PTGER3: variants seen among roughly 807,000 people sequenced by gnomAD.
PTGER3 encodes the protein prostaglandin E receptor 3.
PTGER3 carries 22 observed loss-of-function variants against 34.7 expected under a neutral mutation model. The ratio of observed to expected loss-of-function variants is 0.63; its 90% CI spans 0.45 to 0.91. PTGER3 has a LOEUF of 0.91. Ranked by LOEUF, PTGER3 falls within the 40% of genes least tolerant of loss-of-function variation. The pLI is 0.00. For missense variants in PTGER3, 468 were observed against 519.4 expected (o/e 0.90, Z 0.96); for synonymous variants, 241 against 230.1 (o/e 1.05, Z -0.43).
chr1:70,947,568 C>A (rs1650334401), downstream of PTGER3: 1 of 152,080 alleles, frequency 6.6e-6, no homozygotes, highest in Admixed American at 6.6e-5. Flanking sequence ...AGGTGTGCAA[C>A]AACTTTTTCT....
At chr1:70,872,472 G>A (rs1214820186) in intron 4 of PTGER3, among the ~76,000 whole-genome samples, 4 of 152,078 alleles carry the variant, frequency 2.6e-5, no homozygotes, top group Non-Finnish European at 5.9e-5. Context: ...TATGTTCCAG[G>A]TACTGGACTA....
In PTGER3 at chr1:70,955,566, C is replaced by T. The variant is rs556993249; in HGVS notation, c.1078-1777G>A. Among the ~76,000 whole-genome samples, 4 of 152,164 alleles carry T rather than the reference C, an allele frequency of 2.6e-5. No individual in the cohort carries two copies. The East Asian group carries it at 7.7e-4, about 29-fold the overall frequency. On this transcript the variant is annotated intron_variant, in intron 2 of 3. Transcript: ENST00000356595. ...AAAAGTCCTACTAAGAAAAACAATA[C>T]TAAAATCAGATGGAGACATGTTCCT...
intron 4 of PTGER3, among the ~76,000 whole-genome samples, chr1:70,927,757 G>T (rs1348525200): frequency 6.6e-6 from 1 of 152,044 alleles, no homozygotes; most frequent in African/African-American, 2.4e-5. Flanking sequence ...ACTCTCAGGG[G>T]GATAGAAGAG....
chr1:71,047,147 G>T lies in PTGER3; in HGVS notation c.431C>A (p.Ser144Ter). ...GGCCATGGCGCTGGCGATGAACAACGAGGAGAGCCCGAAAACAGTCATGGT... is the reference window on the plus strand; with the variant it reads ...GGCCATGGCGCTGGCGATGAACAACTAGGAGAGCCCGAAAACAGTCATGGT... ...GLTMTVFGLS[S>*]LFIASAMAVE... The change falls in exon 1 of 4, where the codon TCG becomes TAG. Residue 144 changes from serine (S) to a stop codon, truncating the protein, a stop_gained. Transcript: ENST00000306666. LOFTEE classifies it high-confidence loss of function. The T allele has an allele frequency of 1.9e-6, 3 of 1,601,474 alleles. No homozygotes were observed. Among genetic ancestry groups the T allele is most frequent in the East Asian group, 2.3e-5 (1 of 44,212 alleles).
At chr1:71,022,389 T>C (rs993807208) in intron 1 of PTGER3, among the ~76,000 whole-genome samples, 1 of 151,922 alleles carries the variant, frequency 6.6e-6, no homozygotes, top group African/African-American at 2.4e-5. Flanking sequence ...ATAAATTAAG[T>C]GGCCTCAGTG....
At chr1:70,877,487 T>C (rs1038177276) in intron 4 of PTGER3, among the ~76,000 whole-genome samples, 1 of 152,214 alleles carries the variant, frequency 6.6e-6, no homozygotes, top group African/African-American at 2.4e-5. Context: ...CTTCCAGTAC[T>C]ATCTTAAATA....
chr1:71,010,731 A>G, intron 2 of PTGER3: 1 of 985,162 alleles, frequency 1.0e-6, no homozygotes, highest in Non-Finnish European at 1.2e-6. Flanking sequence ...TTAGATTAGT[A>G]GAACCATCAT....
intron 1 of PTGER3, among the ~76,000 whole-genome samples, chr1:71,029,358 C>G (rs1025575984): frequency 6.6e-6 from 1 of 152,082 alleles, no homozygotes; most frequent in African/African-American, 2.4e-5. Flanking sequence ...ATTACATAGG[C>G]AATAAAATCA....
Position 70,971,543 on chromosome 1 carries a change from G to C in PTGER3, c.*187C>G, listed in dbSNP as rs1158496346. ...ATCCAAGAAACCAATCTAATATTCA[G>C]AGGCATGGATTATAATAATAAAGTT... On this transcript the variant is annotated 3_prime_UTR_variant, in exon 4 of 4. Transcript: ENST00000306666. 2 of 1,239,784 alleles carry C rather than the reference G, an allele frequency of 1.6e-6. No individual in the cohort carries two copies. The highest frequency in any genetic ancestry group is 3.1e-5 in the African/African-American group (2 of 63,864). The allele number at this position is 1,239,784 out of a possible 1,614,324, so 76.8% of individuals were successfully genotyped here. A position where few individuals can be genotyped will look rare whatever the true frequency, so the allele number is the denominator to read the frequency against.
chr1:71,013,660 C>A (rs1218929384), intron 1 of PTGER3, among the ~76,000 whole-genome samples: 1 of 151,426 alleles, frequency 6.6e-6, no homozygotes, highest in Admixed American at 6.6e-5. Flanking sequence ...CAGGATCATG[C>A]CATTGCACTC....
chr1:70,987,415 T>C (rs1655028204), intron 2 of PTGER3, among the ~76,000 whole-genome samples: 2 of 152,150 alleles, frequency 1.3e-5, no homozygotes, highest in Non-Finnish European at 2.9e-5. Flanking sequence ...GAAATATAGC[T>C]CAGATAAAAA....
At chr1:71,042,745 G>A (rs976145485) in intron 1 of PTGER3, among the ~76,000 whole-genome samples, 18 of 151,914 alleles carry the variant, frequency 1.2e-4, no homozygotes, top group Non-Finnish European at 2.1e-4. Context: ...GGCAAATTTC[G>A]CTTGTCAAAA....
At chr1:70,952,304 C>T (rs909367366), downstream of PTGER3, 4 of 550,248 alleles carry the variant, frequency 7.3e-6, no homozygotes, top group African/African-American at 6.2e-5. Context: ...TAAGTAACTT[C>T]GTGATGGGGT....
chr1:71,045,610 G>T (rs1660702312), intron 1 of PTGER3, among the ~76,000 whole-genome samples: 1 of 152,166 alleles, frequency 6.6e-6, no homozygotes, highest in East Asian at 1.9e-4. Flanking sequence ...TCACGTAAGG[G>T]CAGGTGTTAG....
intron 2 of PTGER3, among the ~76,000 whole-genome samples, chr1:71,003,243 T>G (rs1405181552): frequency 6.6e-6 from 1 of 152,176 alleles, no homozygotes; most frequent in Non-Finnish European, 1.5e-5. Flanking sequence ...ATCAATAAGG[T>G]CATCCCTGCC....
At position 71,000,975 on chromosome 1, in the gene PTGER3, A is replaced by C. The variant is rs147655382; in HGVS notation, c.1077+11330T>G. 4.1e-4 allele frequency among the ~76,000 whole-genome samples: 63 copies of C among 152,242 alleles called. 1 individual carries two copies. The highest frequency in any genetic ancestry group is 1.4e-3 in the African/African-American group (57 of 41,532). On this transcript the variant is annotated intron_variant, in intron 2 of 3. Transcript: ENST00000306666. ...GAAAATCAGCATATAATGTCTATAAAGTTGATTGAGTGTGAGATAACAATA... is the reference window on the plus strand; with the variant it reads ...GAAAATCAGCATATAATGTCTATAACGTTGATTGAGTGTGAGATAACAATA...
intron 4 of PTGER3, among the ~76,000 whole-genome samples, chr1:70,934,666 C>T (rs1649035613): frequency 6.6e-6 from 1 of 152,108 alleles, no homozygotes; most frequent in Admixed American, 6.6e-5. Context: ...TACATAAATA[C>T]AGGCCACACA....
intron 4 of PTGER3, among the ~76,000 whole-genome samples, chr1:70,927,830 A>G (rs185874492): frequency 6.6e-6 from 1 of 152,242 alleles, no homozygotes; most frequent in Non-Finnish European, 1.5e-5. Context: ...TACATCAAGT[A>G]AAATAGAAAT....
At chr1:71,040,146 A>G (rs75392620) in intron 1 of PTGER3, among the ~76,000 whole-genome samples, 13,821 of 151,798 alleles carry the variant, frequency 0.091, 778 homozygotes, top group African/African-American at 0.14. Context: ...AGAGAAAGAA[A>G]AAAAGAAAGA....
Sources: allele counts gnomAD v4.1 joint callset (sites outside exome capture counted in the v4.1 genomes callset), GRCh38; gene constraint gnomAD v4.1.1; transcripts MANE v1.5; gene names NCBI Gene and HGNC (gene_info 2026-07-23, HGNC 2026-07-21).